Variants in WDPCP observed in about 807,000 individuals in gnomAD.
WDPCP encodes the protein WD repeat-containing and planar cell polarity effector protein fritz homolog.
WDPCP carries 71 observed loss-of-function variants against 93.1 expected under a neutral mutation model. The observed-to-expected ratio is 0.76, with a 90% confidence interval of 0.63 to 0.93. The LOEUF (loss-of-function observed/expected upper bound fraction) is 0.93. Among genes scored for constraint, WDPCP ranks in the 40% least tolerant of loss-of-function variants. WDPCP has a pLI of 0.00. For missense variants in WDPCP, 844 were observed against 887.4 expected (o/e 0.95, Z 0.62); for synonymous variants, 315 against 315.0 (o/e 1.00, Z 0.00).
intron 9 of WDPCP, among the ~76,000 whole-genome samples, chr2:63,416,480 GCGAGCC>G: frequency 6.6e-6 from 1 of 152,042 alleles, no homozygotes; most frequent in African/African-American, 2.4e-5. Flanking sequence ...GATTACAGGT[GCGAGCC>G]ACCACACTTG....
At chr2:63,761,869 T>C (rs1162981991) in intron 2 of WDPCP, among the ~76,000 whole-genome samples, 1 of 152,192 alleles carries the variant, frequency 6.6e-6, no homozygotes, top group East Asian at 1.9e-4. Context: ...AACCATCACA[T>C]ATATGTTGTC....
intron 10 of WDPCP, among the ~76,000 whole-genome samples, chr2:63,387,665 A>G (rs1212936795): frequency 6.6e-6 from 1 of 152,112 alleles, no homozygotes; most frequent in African/African-American, 2.4e-5. Flanking sequence ...ACACATCCAA[A>G]TAGAAGACAT....
chr2:63,332,042 C>T (rs1688010022), intron 12 of WDPCP, among the ~76,000 whole-genome samples: 1 of 150,362 alleles, frequency 6.7e-6, no homozygotes, highest in African/African-American at 2.4e-5. Flanking sequence ...TGTATAAGTT[C>T]TTGTGTGGAG....
chr2:63,518,008 C>A (rs1024885849), intron 1 of WDPCP: 1 of 152,354 alleles, frequency 6.6e-6, no homozygotes, highest in Non-Finnish European at 1.5e-5. Flanking sequence ...CCTGTCTCAG[C>A]CTCCCGAGTA....
intron 6 of WDPCP, among the ~76,000 whole-genome samples, chr2:63,468,397 A>C (rs556518997): frequency 2.0e-5 from 3 of 152,348 alleles, no homozygotes; most frequent in Non-Finnish European, 4.4e-5. Flanking sequence ...AAAATGTCAG[A>C]GAATACTTGG....
chr2:63,836,725 A>C, the WDPCP span, among the ~76,000 whole-genome samples: 1 of 152,168 alleles, frequency 6.6e-6, no homozygotes, highest in Non-Finnish European at 1.5e-5. Flanking sequence ...GAAATACAAC[A>C]ACCTCATGGG....
At position 63,339,736 on chromosome 2, in the gene WDPCP, A is replaced by G. The variant is rs191296738; in HGVS notation, c.1749-26425T>C. Among the ~76,000 whole-genome samples, 5 of 152,236 alleles carry G rather than the reference A, an allele frequency of 3.3e-5. No homozygotes were observed. The East Asian group carries it at 9.7e-4, about 29-fold the overall frequency. On this transcript the variant is annotated intron_variant, in intron 12 of 17. Coordinates refer to ENST00000272321, the MANE Select transcript of WDPCP (RefSeq NM_015910.7). ...AGGAGTTTCCATATTATGTTGAATA[A>G]AAGTGGTGAAAAGTGGGCATCCTTG...
chr2:63,767,023 G>C lies in WDPCP; in HGVS notation n.308+46599C>G, dbSNP rs146591043. 9.8e-3 allele frequency among the ~76,000 whole-genome samples: 1,486 copies of C among 151,938 alleles called. 22 individuals are homozygous for C. The highest frequency in any genetic ancestry group is 0.035 in the African/African-American group (1,439 of 41,442). ...TTGCCCCACCCTCACCCCATCCCCA[G>C]ACAACCACTGATTTGTTTTATATCA... On this transcript the variant is annotated intron_variant and non_coding_transcript_variant, in intron 2 of 4. Transcript: ENST00000467687.
intron 2 of WDPCP, among the ~76,000 whole-genome samples, chr2:63,746,334 C>G (rs907034060): frequency 6.6e-6 from 1 of 151,986 alleles, no homozygotes; most frequent in African/African-American, 2.4e-5. Flanking sequence ...GCCTCAGGAC[C>G]CTGAGATGAT....
intron 2 of WDPCP, among the ~76,000 whole-genome samples, chr2:63,488,160 G>T (rs1700675934): frequency 6.6e-6 from 1 of 151,926 alleles, no homozygotes; most frequent in Admixed American, 6.6e-5. Flanking sequence ...AAATAATTTT[G>T]TCCATTTTCT....
At chr2:63,281,704 C>G (rs1293708179) in intron 13 of WDPCP, among the ~76,000 whole-genome samples, 1 of 152,136 alleles carries the variant, frequency 6.6e-6, no homozygotes. Context: ...GACTATTATT[C>G]TAAGTGAAGT....
chr2:63,823,846 G>A (rs1484463364), intron 1 of WDPCP, among the ~76,000 whole-genome samples: 1 of 152,098 alleles, frequency 6.6e-6, no homozygotes, highest in Non-Finnish European at 1.5e-5. Context: ...CATTATATTT[G>A]GTCAAAAATG....
In WDPCP at chr2:63,285,293, G is replaced by C. The variant is rs532636394; in HGVS notation, c.1813-25884C>G. On this transcript the variant is annotated intron_variant, in intron 13 of 17. Coordinates refer to ENST00000272321, the MANE Select transcript of WDPCP (RefSeq NM_015910.7). ...AAAATGCAAAAACAAAATTAGCCGG[G>C]TGTGGTGGCGGGTGGCTGTAGTCCC... Among the ~76,000 whole-genome samples the C allele has an allele frequency of 3.3e-5, 5 of 152,240 alleles. No individual in the cohort carries two copies. In the South Asian group the frequency reaches 1.0e-3, roughly 32 times the overall value.
At chr2:63,632,459 T>C (rs1709874295) in intron 3 of WDPCP, among the ~76,000 whole-genome samples, 1 of 152,050 alleles carries the variant, frequency 6.6e-6, no homozygotes, top group African/African-American at 2.4e-5. Context: ...AGAACACAGA[T>C]AGACAACTCA....
intron 1 of WDPCP, among the ~76,000 whole-genome samples, chr2:63,502,876 T>C (rs1180417849): frequency 6.6e-6 from 1 of 152,092 alleles, no homozygotes; most frequent in Non-Finnish European, 1.5e-5. Flanking sequence ...CCAGCCAGAC[T>C]GTGGTTCTTC....
At chr2:63,514,795 G>T (rs1702449538) in intron 1 of WDPCP, among the ~76,000 whole-genome samples, 1 of 152,140 alleles carries the variant, frequency 6.6e-6, no homozygotes, top group East Asian at 1.9e-4. Context: ...GAGAGAGAGT[G>T]ATAGCTAGAG....
intron 9 of WDPCP, among the ~76,000 whole-genome samples, chr2:63,420,373 A>C (rs1291478429): frequency 6.6e-6 from 1 of 151,284 alleles, no homozygotes; most frequent in Non-Finnish European, 1.5e-5. Context: ...AAAAAAAAAA[A>C]AAACAGAAAA....
intron 1 of WDPCP, among the ~76,000 whole-genome samples, chr2:63,517,182 T>C (rs920006163): frequency 1.3e-5 from 2 of 152,122 alleles, no homozygotes; most frequent in African/African-American, 4.8e-5. Context: ...AGACTCCCGT[T>C]TTGACTTTTG....
intron 6 of WDPCP, among the ~76,000 whole-genome samples, chr2:63,475,429 G>A (rs559321093): frequency 2.6e-5 from 4 of 151,882 alleles, no homozygotes; most frequent in Non-Finnish European, 5.9e-5. Flanking sequence ...TTAAGATACT[G>A]TACTTTAGAT....
Sources: gnomAD v4.1 joint callset for allele counts (sites outside exome capture counted in the v4.1 genomes callset) on GRCh38, gnomAD v4.1.1 for gene constraint, MANE v1.5 for transcripts, NCBI Gene and HGNC (gene_info 2026-07-23, HGNC 2026-07-21) for gene names.